TRIM71: variants seen among roughly 807,000 people sequenced by gnomAD.
TRIM71 encodes the protein E3 ubiquitin-protein ligase TRIM71.
In TRIM71, 9 loss-of-function variants were observed where a neutral mutation model predicts 61.2. That is an observed-to-expected ratio of 0.15 (90% confidence interval 0.09 to 0.26). The LOEUF is 0.26. Among genes scored for constraint, TRIM71 ranks in the 10% least tolerant of loss-of-function variants. The pLI, the probability that TRIM71 is intolerant of heterozygous loss-of-function variation, is 1.00. For synonymous variants in TRIM71, 645 were observed against 553.2 expected (o/e 1.17, Z -2.33); for missense variants, 998 against 1,238.7 (o/e 0.81, Z 2.92).
chr3:32,832,190 T>C (rs970029873), intron 1 of TRIM71, among the ~76,000 whole-genome samples: 1 of 152,206 alleles, frequency 6.6e-6, no homozygotes, highest in African/African-American at 2.4e-5. Flanking sequence ...AAGGTGGCCA[T>C]GCACAGTGGT....
chr3:32,839,275 G>T (rs1427345277), intron 1 of TRIM71, among the ~76,000 whole-genome samples: 1 of 151,390 alleles, frequency 6.6e-6, no homozygotes, highest in South Asian at 2.1e-4. Context: ...TGGTCACCAA[G>T]GCTGGAGTGC....
rs576420216 is a variant in TRIM71, at chr3:32,820,393, C to G, written c.852+1461C>G. ...TAAAAGGTTTCTTCTAGGTAAGAAG[C>G]TAGGGGGCAGTTATCTTTTTTTTCC... On this transcript the variant is annotated intron_variant, in intron 1 of 3. Transcript: ENST00000383763. Among the ~76,000 whole-genome samples, 75 of 152,302 alleles carry G rather than the reference C, an allele frequency of 4.9e-4. 1 individual carries two copies. The highest frequency in any genetic ancestry group is 1.4e-3 in the South Asian group (7 of 4,830).
At chr3:32,886,169 A>G in intron 3 of TRIM71, 101 bp downstream of exon 3, 1 of 1,396,422 alleles carries the variant, frequency 7.2e-7, no homozygotes, top group Non-Finnish European at 9.4e-7. Context: ...GCCAAGCTCT[A>G]AGTTTAAAAC....
chr3:32,831,737 A>G (rs1167183643), intron 1 of TRIM71, among the ~76,000 whole-genome samples: 1 of 151,990 alleles, frequency 6.6e-6, no homozygotes, highest in Non-Finnish European at 1.5e-5. Context: ...GGGTTTTACC[A>G]TGTTGGCCAG....
rs781320381 is a variant in TRIM71 at position 32,890,546 on chromosome 3, C to T, written c.1342C>T (p.Arg448Trp). The stretch of plus-strand genomic sequence containing the variant: ...CCAGGTGCAGGAGCTGAAGACCGTG[C>T]GGAGCCTCCTGCAGCCCCAGGAAGA... The part of the protein sequence containing the change: ...LAQVQELKTV[R>W]SLLQPQEDDR... The change falls in exon 4 of 4, where the codon CGG (arginine) becomes TGG (tryptophan). Residue 448 changes from arginine (R) to tryptophan (W), a missense_variant. Physicochemically the swap from Arg to Trp is moderately radical, Grantham distance 101. Around this residue, in one of 5 missense-constraint regions of TRIM71, gnomAD observed 291 missense variants for 431.2 expected, o/e 0.67. Coordinates refer to ENST00000383763, the MANE Select transcript of TRIM71 (RefSeq NM_001039111.3). The surrounding 1 kb of genome is among the most constrained non-coding windows in gnomAD (Gnocchi z 6.2). The T allele has an allele frequency of 6.2e-6, 10 of 1,614,012 alleles. No individual in the cohort carries two copies. Among genetic ancestry groups the T allele is most frequent in the East Asian group, 2.2e-5 (1 of 44,884 alleles).
Position 32,874,005 on chromosome 3 carries a change from C to G in TRIM71, c.1020+20C>G. ...ATCCAGGTGAGCCTTCCCTGCCCTT[C>G]TGCAGTTCCCACGTGAATCGAGCCC... On this transcript the variant is annotated intron_variant, in intron 2 of 3. Transcript: ENST00000383763. The G allele has an allele frequency of 3.2e-6, 5 of 1,585,848 alleles. No homozygotes were observed. The highest frequency in any genetic ancestry group is 4.3e-6 in the Non-Finnish European group (5 of 1,166,454).
At chr3:32,868,431 C>T (rs921451145) in intron 1 of TRIM71, among the ~76,000 whole-genome samples, 1 of 152,128 alleles carries the variant, frequency 6.6e-6, no homozygotes, top group Admixed American at 6.5e-5. Flanking sequence ...GCACTGCTTG[C>T]GATTTTTCAA....
At chr3:32,848,740 G>C (rs1559542136) in intron 1 of TRIM71, among the ~76,000 whole-genome samples, 1 of 152,106 alleles carries the variant, frequency 6.6e-6, no homozygotes, top group Non-Finnish European at 1.5e-5. Context: ...ATGAAACCTG[G>C]GGCAGTGGCC....
intron 1 of TRIM71, among the ~76,000 whole-genome samples, chr3:32,850,391 T>G (rs1348986919): frequency 6.6e-6 from 1 of 152,198 alleles, no homozygotes; most frequent in East Asian, 1.9e-4. Flanking sequence ...TTTGACCTAT[T>G]TATGTACTTT....
chr3:32,818,307 C>A lies in TRIM71; in HGVS notation c.227C>A (p.Pro76Gln), dbSNP rs992161563. 1.4e-6 allele frequency: 2 copies of A among 1,432,954 alleles called. No homozygotes were observed. Among genetic ancestry groups the A allele is most frequent in the African/African-American group, 1.5e-5 (1 of 66,708 alleles). 88.8% of individuals were successfully genotyped at this position (1,432,954 alleles called of 1,614,324 possible). ...CCCTGCCTCGAGGCGCACCGGCTGC[C>A]GGCGGCGGGCGGCGGCGCGGCGGGA... Reference protein sequence around the residue: ...CRPCLEAHRLPAAGGGAAGEP... With the variant: ...CRPCLEAHRLQAAGGGAAGEP... The change falls in exon 1 of 4, where the codon CCG becomes CAG. Residue 76 changes from proline to glutamine, a missense_variant. Physicochemically the swap from Pro to Gln is moderately conservative, Grantham distance 76. Transcript: ENST00000383763.
At chr3:32,874,293 G>C (rs1219180734) in intron 2 of TRIM71, among the ~76,000 whole-genome samples, 1 of 151,928 alleles carries the variant, frequency 6.6e-6, no homozygotes, top group Non-Finnish European at 1.5e-5. Flanking sequence ...TTCCAGCCAG[G>C]ACTGCAGAAA....
At chr3:32,826,428 A>G (rs998099046) in intron 1 of TRIM71, among the ~76,000 whole-genome samples, 1 of 152,106 alleles carries the variant, frequency 6.6e-6, no homozygotes, top group Non-Finnish European at 1.5e-5. Flanking sequence ...ATAGAACAAG[A>G]CTATGTCTCA....
In TRIM71 at chr3:32,890,701, G is replaced by T. The variant is rs555764673; in HGVS notation, c.1497G>T (p.Gln499His). 6.2e-7 allele frequency: 1 copy of T among 1,614,078 alleles called. No individual in the cohort carries two copies. The highest frequency in any genetic ancestry group is 1.1e-5 in the South Asian group (1 of 91,084). The change falls in exon 4 of 4, where the codon CAG (glutamine) becomes CAT (histidine). Residue 499 changes from glutamine to histidine, a missense_variant. Physicochemically the swap from Gln to His is conservative, Grantham distance 24. Coordinates refer to ENST00000383763, the MANE Select transcript of TRIM71 (RefSeq NM_001039111.3). The surrounding 1 kb of genome is among the most constrained non-coding windows in gnomAD (Gnocchi z 6.2). The part of the protein sequence containing the change: ...ATGDGLKRAL[Q>H]GKVASFTVIG... ...GCGATGGCCTCAAGCGTGCCCTCCA[G>T]GGTAAGGTGGCCTCCTTCACAGTCA... is the stretch of plus-strand genomic sequence containing the variant.
At chr3:32,879,722 C>G (rs982752918) in intron 2 of TRIM71, among the ~76,000 whole-genome samples, 2 of 150,394 alleles carry the variant, frequency 1.3e-5, no homozygotes, top group African/African-American at 4.9e-5. Context: ...ACTGTAACAT[C>G]AGCACTTTGG....
chr3:32,824,991 C>T (rs1350264777), intron 1 of TRIM71, among the ~76,000 whole-genome samples: 1 of 152,130 alleles, frequency 6.6e-6, no homozygotes, highest in Admixed American at 6.6e-5. Flanking sequence ...GACGGTGTTT[C>T]ACCATGTTGG....
At chr3:32,873,283 T>C (rs1025643757) in intron 1 of TRIM71, among the ~76,000 whole-genome samples, 2 of 152,204 alleles carry the variant, frequency 1.3e-5, no homozygotes, top group African/African-American at 2.4e-5. Flanking sequence ...CTTGAGTGCC[T>C]GGGAGAACCA....
intron 1 of TRIM71, among the ~76,000 whole-genome samples, chr3:32,872,913 C>T (rs553093789): frequency 6.6e-5 from 10 of 152,334 alleles, no homozygotes; most frequent in Admixed American, 2.6e-4. Flanking sequence ...TGAAAGCAAT[C>T]CAGCAAACAT....
intron 1 of TRIM71, among the ~76,000 whole-genome samples, chr3:32,847,811 T>G (rs569123975): frequency 3.9e-5 from 6 of 152,244 alleles, no homozygotes; most frequent in Non-Finnish European, 5.9e-5. Flanking sequence ...ATGGGGCTGG[T>G]TTTTTGTTTT....
At chr3:32,848,105 C>G (rs577435551) in intron 1 of TRIM71, among the ~76,000 whole-genome samples, 1 of 152,144 alleles carries the variant, frequency 6.6e-6, no homozygotes, top group East Asian at 1.9e-4. Context: ...TAACGAGAGA[C>G]GACTGTACTT....
Sources: allele counts gnomAD v4.1 joint callset (sites outside exome capture counted in the v4.1 genomes callset), GRCh38; gene constraint gnomAD v4.1.1; regional missense constraint gnomAD v4.1.1; non-coding constraint Gnocchi (gnomAD v3.1); transcripts MANE v1.5; gene names NCBI Gene and HGNC (gene_info 2026-07-23, HGNC 2026-07-21).